The following DPYD variants were observed in gnomAD, a reference collection of about 807,000 sequenced individuals.
DPYD encodes dihydropyrimidine dehydrogenase, also known as dihydropyrimidine dehydrogenase [NADP(+)].
In DPYD, 109 loss-of-function variants were observed where a neutral mutation model predicts 116.2. The observed-to-expected ratio is 0.94, with a 90% CI of 0.80 to 1.10. The LOEUF (loss-of-function observed/expected upper bound fraction) is 1.10. DPYD is among the 50% of genes least tolerant of loss of function. The probability of loss-of-function intolerance (pLI) is 0.00; values close to 1 mark genes in which losing one functional copy is unlikely to be tolerated. For missense variants in DPYD, 1,302 were observed against 1,254.5 expected, an observed-to-expected ratio of 1.04 and a Z score of -0.57; for synonymous variants, 440 against 432.0, an observed-to-expected ratio of 1.02 and a Z score of -0.23.
chr1:97,729,498 A>C (rs1186688821), intron 4 of DPYD, among the ~76,000 whole-genome samples: 1 of 152,102 alleles, frequency 6.6e-6, no homozygotes, highest in Non-Finnish European at 1.5e-5. Flanking sequence ...GATTTTGTTA[A>C]ATGTTAATAC....
At chr1:97,290,486 A>G (rs1473584818) in intron 18 of DPYD, among the ~76,000 whole-genome samples, 6 of 152,166 alleles carry the variant, frequency 3.9e-5, no homozygotes, top group Non-Finnish European at 5.9e-5. Flanking sequence ...ACCAAAACAG[A>G]GATATAGATC....
At chr1:97,179,696 A>G (rs1160059919) in intron 20 of DPYD, among the ~76,000 whole-genome samples, 1 of 152,144 alleles carries the variant, frequency 6.6e-6, no homozygotes, top group Non-Finnish European at 1.5e-5. Flanking sequence ...TTCTCAGTGC[A>G]GCATTAGTCA....
intron 6 of DPYD, among the ~76,000 whole-genome samples, chr1:97,693,304 AAAAAAAAAAAAAACC>A (rs1338899803): frequency 2.6e-5 from 3 of 115,480 alleles, no homozygotes; most frequent in African/African-American, 8.0e-5. Flanking sequence ...AAAAAAAAAA[AAAAAAAAAAAAAACC>A]AAAAAAGAAA....
intron 19 of DPYD, among the ~76,000 whole-genome samples, chr1:97,206,689 A>ATATAT (rs1659654169): frequency 8.2e-5 from 7 of 85,610 alleles, no homozygotes; most frequent in Non-Finnish European, 1.6e-4. Flanking sequence ...TATATATATA[A>ATATAT]TCTATATGCT....
Position 97,875,834 on chromosome 1 carries a change from C to T in DPYD, c.150+7430G>A, listed in dbSNP as rs374417654. On this transcript the variant is annotated intron_variant, in intron 2 of 22. Coordinates refer to ENST00000370192, the MANE Select transcript of DPYD (RefSeq NM_000110.4). Reference sequence around the variant, plus strand: ...GAAAGCTATTGCCCAGTAATGATCACTTAAAATATACTTACTTCAAAGTAA... The same window carrying T: ...GAAAGCTATTGCCCAGTAATGATCATTTAAAATATACTTACTTCAAAGTAA... Among the ~76,000 whole-genome samples, 84 of 152,090 alleles carry T rather than the reference C, an allele frequency of 5.5e-4. 2 individuals are homozygous for T. In the South Asian group the frequency reaches 9.1e-3, roughly 17 times the overall value.
chr1:97,908,337 T>C (rs922615853), intron 1 of DPYD, among the ~76,000 whole-genome samples: 1 of 152,018 alleles, frequency 6.6e-6, no homozygotes, highest in African/African-American at 2.4e-5. Context: ...TAAGTCATCG[T>C]ACCTGGCCTG....
chr1:97,688,265 T>C (rs72977712), intron 7 of DPYD, among the ~76,000 whole-genome samples: 5 of 151,884 alleles, frequency 3.3e-5, no homozygotes, highest in Non-Finnish European at 5.9e-5. Flanking sequence ...TTAAAGAAAA[T>C]ATTAACTGGA....
intron 3 of DPYD, among the ~76,000 whole-genome samples, chr1:97,785,166 C>A (rs1246959763): frequency 6.6e-6 from 1 of 152,072 alleles, no homozygotes; most frequent in East Asian, 1.9e-4. Context: ...AGCAGCATAG[C>A]AAAATATACT....
At chr1:97,613,879 A>G (rs141377600) in intron 8 of DPYD, among the ~76,000 whole-genome samples, 2,111 of 152,130 alleles carry the variant, frequency 0.014, 21 homozygotes, top group Middle Eastern at 0.037. Flanking sequence ...TCCTTTGTGC[A>G]TACATACAAT....
chr1:97,123,446 G>T (rs937001178), intron 20 of DPYD, among the ~76,000 whole-genome samples: 1 of 151,924 alleles, frequency 6.6e-6, no homozygotes, highest in Non-Finnish European at 1.5e-5. Flanking sequence ...ATCTGAGTAG[G>T]GTTTGAAATA....
At chr1:97,521,359 A>G (rs139348436) in intron 12 of DPYD, among the ~76,000 whole-genome samples, 30 of 152,330 alleles carry the variant, frequency 2.0e-4, no homozygotes, top group African/African-American at 5.8e-4. Flanking sequence ...CTTACAAGGA[A>G]TGTGAAGGAC....
At position 97,721,630 on chromosome 1, in the gene DPYD, T is replaced by C. The variant is rs747135235; in HGVS notation, c.363A>G (p.Pro121=). The C allele has an allele frequency of 6.2e-7, 1 of 1,611,590 alleles. No homozygotes were observed. Among genetic ancestry groups the C allele is most frequent in the Non-Finnish European group, 8.5e-7 (1 of 1,178,276 alleles). The change falls in exon 5 of 23, where the codon CCA becomes CCG. Residue 121 remains proline, a synonymous_variant. Transcript: ENST00000370192. Reference sequence around the variant, plus strand: ...ATACCATTCCACAAGTCAGACCAAGTGGGTTGTCAGAAAATATCATCTTAG... The same window carrying C: ...ATACCATTCCACAAGTCAGACCAAGCGGGTTGTCAGAAAATATCATCTTAG... ...GAAKMIFSDN[P]LGLTCGMVCP... is the part of the protein sequence containing the mutation.
At chr1:97,654,329 T>C (rs1031549402) in intron 8 of DPYD, among the ~76,000 whole-genome samples, 7 of 152,118 alleles carry the variant, frequency 4.6e-5, no homozygotes, top group African/African-American at 7.2e-5. Context: ...TACTGACTCA[T>C]TAGGAGCCAA....
intron 12 of DPYD, among the ~76,000 whole-genome samples, chr1:97,517,985 A>C (rs1648353282): frequency 6.6e-6 from 1 of 152,154 alleles, no homozygotes; most frequent in Admixed American, 6.5e-5. Flanking sequence ...GCAACAGCCC[A>C]AGGAGGCAGA....
chr1:97,395,333 A>T (rs1672951663), intron 14 of DPYD, among the ~76,000 whole-genome samples: 1 of 151,876 alleles, frequency 6.6e-6, no homozygotes, highest in African/African-American at 2.4e-5. Context: ...TTGTTTCTGT[A>T]TTTACAGTTT....
intron 3 of DPYD, among the ~76,000 whole-genome samples, chr1:97,787,554 T>C (rs920804661): frequency 7.9e-5 from 12 of 152,156 alleles, no homozygotes; most frequent in African/African-American, 2.9e-4. Context: ...TAAAGAATAA[T>C]TCTTGGCAAA....
At chr1:97,363,843 C>T (rs1670879814) in intron 16 of DPYD, among the ~76,000 whole-genome samples, 1 of 152,108 alleles carries the variant, frequency 6.6e-6, no homozygotes, top group Non-Finnish European at 1.5e-5. Context: ...AGAGAAATAC[C>T]TAATATAAAT....
chr1:97,405,669 C>A (rs1197044835), intron 14 of DPYD, among the ~76,000 whole-genome samples: 8 of 152,048 alleles, frequency 5.3e-5, no homozygotes, highest in Admixed American at 5.2e-4. Flanking sequence ...GCATGCACCA[C>A]CATGCCCAGC....
chr1:97,726,557 A>G (rs999672305), intron 4 of DPYD, among the ~76,000 whole-genome samples: 1 of 151,560 alleles, frequency 6.6e-6, no homozygotes, highest in Non-Finnish European at 1.5e-5. Context: ...GACATCACAG[A>G]AACACTTGAT....
Sources: gnomAD v4.1 joint callset for allele counts (sites outside exome capture counted in the v4.1 genomes callset) on GRCh38, gnomAD v4.1.1 for gene constraint, MANE v1.5 for transcripts, NCBI Gene and HGNC (gene_info 2026-07-23, HGNC 2026-07-21) for gene names.